The following ZNF804B variants were observed in gnomAD, a reference collection of about 807,000 sequenced individuals.
The protein encoded by ZNF804B is zinc finger protein 804B.
A neutral mutation model predicts 101.4 loss-of-function variants in ZNF804B; 80 were observed. That is an observed-to-expected ratio of 0.79 (90% CI 0.66 to 0.95). ZNF804B has a LOEUF of 0.95. ZNF804B is among the 40% of genes least tolerant of loss of function. ZNF804B has a pLI of 0.00. For missense variants in ZNF804B, 1,673 were observed against 1,561.9 expected, an observed-to-expected ratio of 1.07 and a Z score of -1.20; for synonymous variants, 622 against 558.8, an observed-to-expected ratio of 1.11 and a Z score of -1.59.
chr7:88,780,664 G>A (rs546712122), intron 1 of ZNF804B, among the ~76,000 whole-genome samples: 1 of 152,106 alleles, frequency 6.6e-6, no homozygotes, highest in Admixed American at 6.5e-5. Flanking sequence ...TAGGATTACA[G>A]GCATAAGCCA....
intron 2 of ZNF804B, 95 bp from the exon 3 acceptor site, chr7:89,327,249 C>T (rs1306414008): frequency 8.1e-7 from 1 of 1,239,558 alleles, no homozygotes; most frequent in Non-Finnish European, 1.1e-6. Flanking sequence ...AAAGTCACCT[C>T]TGCACTTAGG....
At chr7:89,310,304 G>A (rs1167819151) in intron 2 of ZNF804B, among the ~76,000 whole-genome samples, 1 of 152,044 alleles carries the variant, frequency 6.6e-6, no homozygotes, top group Non-Finnish European at 1.5e-5. Flanking sequence ...TTCTTGGTTA[G>A]GAGTAAAAGA....
At chr7:89,068,994 C>T (rs1356087519) in intron 1 of ZNF804B, among the ~76,000 whole-genome samples, 5 of 152,172 alleles carry the variant, frequency 3.3e-5, no homozygotes, top group Non-Finnish European at 7.4e-5. Context: ...AGAATGGTGA[C>T]TGGGAATCAT....
intron 1 of ZNF804B, among the ~76,000 whole-genome samples, chr7:89,016,944 G>A (rs1431065133): frequency 6.6e-6 from 1 of 152,122 alleles, no homozygotes; most frequent in East Asian, 1.9e-4. Context: ...CCGTTTTCAC[G>A]ATATTGATTC....
intron 1 of ZNF804B, among the ~76,000 whole-genome samples, chr7:89,027,633 A>G (rs1584082370): frequency 6.6e-6 from 1 of 152,200 alleles, no homozygotes; most frequent in East Asian, 1.9e-4. Context: ...CTCATTATGT[A>G]TAGGAAGAGA....
At chr7:88,893,559 T>C (rs771175024) in intron 1 of ZNF804B, among the ~76,000 whole-genome samples, 2 of 152,242 alleles carry the variant, frequency 1.3e-5, no homozygotes, top group Middle Eastern at 3.4e-3. Context: ...AAGTAAATTA[T>C]ACTAAAGCTT....
intron 1 of ZNF804B, among the ~76,000 whole-genome samples, chr7:89,150,230 G>A (rs189558235): frequency 6.2e-4 from 94 of 151,992 alleles, no homozygotes; most frequent in African/African-American, 2.2e-3. Context: ...AAGCCTAGGA[G>A]ATACAGAGTT....
In ZNF804B at chr7:89,103,048, G is replaced by GTTT. The variant is rs56693128; in HGVS notation, c.109-115074_109-115072dup. On this transcript the variant is annotated intron_variant, in intron 1 of 3. Transcript: ENST00000333190. ...TTCTATTCCATTGACCTATGTGTCTGTTTTTTTTTTTTTTTTTTTTTTTTT... is the reference window on the plus strand; with the variant it reads ...TTCTATTCCATTGACCTATGTGTCTGTTTTTTTTTTTTTTTTTTTTTTTTTTTT... Among the ~76,000 whole-genome samples the GTTT allele has an allele frequency of 3.3e-3, 113 of 33,748 alleles. 26 individuals carry two copies. The highest frequency in any genetic ancestry group is 0.021 in the East Asian group (14 of 660). The allele number at this position is 33,748 out of a possible 152,430, so 22.1% of individuals were successfully genotyped here.
At chr7:88,906,884 A>G (rs1044718315) in intron 1 of ZNF804B, among the ~76,000 whole-genome samples, 2 of 152,042 alleles carry the variant, frequency 1.3e-5, no homozygotes, top group Non-Finnish European at 2.9e-5. Flanking sequence ...TCATAGGTCA[A>G]GAAGAATTCA....
intron 1 of ZNF804B, among the ~76,000 whole-genome samples, chr7:89,015,497 C>T (rs1356329867): frequency 6.6e-6 from 1 of 151,962 alleles, no homozygotes; most frequent in African/African-American, 2.4e-5. Flanking sequence ...TCCCCCCACC[C>T]CACAACAGTC....
intron 1 of ZNF804B, among the ~76,000 whole-genome samples, chr7:89,132,248 G>A (rs569597714): frequency 2.0e-5 from 3 of 151,144 alleles, no homozygotes; most frequent in South Asian, 4.2e-4. Flanking sequence ...TAGAACACAA[G>A]ACTATAGGTG....
At chr7:89,070,351 A>C (rs558914996) in intron 1 of ZNF804B, among the ~76,000 whole-genome samples, 1 of 152,184 alleles carries the variant, frequency 6.6e-6, no homozygotes, top group Non-Finnish European at 1.5e-5. Flanking sequence ...GGACACACTC[A>C]GAATGAGCTG....
intron 1 of ZNF804B, among the ~76,000 whole-genome samples, chr7:89,002,979 G>C (rs1018810460): frequency 1.3e-5 from 2 of 151,500 alleles, no homozygotes; most frequent in African/African-American, 4.8e-5. Context: ...GTGATTAAAG[G>C]CAGTTATTGC....
At position 88,875,102 on chromosome 7, in the gene ZNF804B, T is replaced by G. The variant is rs1583990593; in HGVS notation, c.108+115018T>G. On this transcript the variant is annotated intron_variant, in intron 1 of 3. Transcript: ENST00000333190. ...TGAAGGCAGAAATAAAGATGTTCTTTGAAACCAATGAGAACAAAGACACCA... is the reference window on the plus strand; with the variant it reads ...TGAAGGCAGAAATAAAGATGTTCTTGGAAACCAATGAGAACAAAGACACCA... 2.2e-5 allele frequency among the ~76,000 whole-genome samples: 3 copies of G among 135,340 alleles called. No individual in the cohort carries two copies. The East Asian group carries it at 6.4e-4, about 29-fold the overall frequency. 88.8% of individuals were successfully genotyped at this position (135,340 alleles called of 152,430 possible).
At chr7:89,302,314 G>A (rs1790488941) in intron 2 of ZNF804B, among the ~76,000 whole-genome samples, 2 of 151,842 alleles carry the variant, frequency 1.3e-5, no homozygotes, top group South Asian at 4.1e-4. Flanking sequence ...TGAGAGTTAA[G>A]CCTCAGCTCT....
rs1379731584 is a variant in ZNF804B at position 89,333,718 on chromosome 7, C to T, written c.736C>T (p.His246Tyr). 1.9e-6 allele frequency: 3 copies of T among 1,613,354 alleles called. No individual in the cohort carries two copies. The African/African-American group carries it at 4.0e-5, about 22-fold the overall frequency. ...SVFSENTEET[H>Y]DCNKSPIYKT... The stretch of plus-strand genomic sequence containing the variant: ...TTTCAGTGAGAACACAGAAGAAACC[C>T]ATGATTGTAACAAGTCACCCATTTA... Residue 246 changes from histidine (H) to tyrosine (Y), a missense_variant, in exon 4 of 4, where the codon CAT becomes TAT. By Grantham distance (83) the His-to-Tyr change is moderately conservative. Transcript: ENST00000333190.
chr7:89,337,494 G>A lies in ZNF804B; in HGVS notation c.*462G>A, dbSNP rs570969642. Reference sequence around the variant, plus strand: ...GCAATTATTTAAAGTAATTTATGTCGTTAACTATTGACTAAGTTTTCAATT... The same window carrying A: ...GCAATTATTTAAAGTAATTTATGTCATTAACTATTGACTAAGTTTTCAATT... On this transcript the variant is annotated 3_prime_UTR_variant, in exon 4 of 4. Coordinates refer to ENST00000333190, the MANE Select transcript of ZNF804B (RefSeq NM_181646.5). 5.9e-5 allele frequency among the ~76,000 whole-genome samples: 9 copies of A among 152,144 alleles called. No homozygotes were observed. In the South Asian group the frequency reaches 8.3e-4, roughly 14 times the overall value.
At chr7:88,862,980 C>T (rs1243418398) in intron 1 of ZNF804B, among the ~76,000 whole-genome samples, 4 of 152,166 alleles carry the variant, frequency 2.6e-5, no homozygotes, top group Non-Finnish European at 5.9e-5. Flanking sequence ...TAAGCCTAAT[C>T]ATGTCACTTC....
At chr7:89,198,093 A>G (rs1323490655) in intron 1 of ZNF804B, among the ~76,000 whole-genome samples, 1 of 151,876 alleles carries the variant, frequency 6.6e-6, no homozygotes, top group African/African-American at 2.4e-5. Flanking sequence ...AAACCTTTGC[A>G]AATAGATTAT....
Sources: allele counts gnomAD v4.1 joint callset (sites outside exome capture counted in the v4.1 genomes callset), GRCh38; gene constraint gnomAD v4.1.1; transcripts MANE v1.5; gene names NCBI Gene and HGNC (gene_info 2026-07-23, HGNC 2026-07-21).